Variants in ZCCHC2 observed in about 807,000 individuals in gnomAD.
ZCCHC2 encodes the protein zinc finger CCHC domain-containing protein 2.
A neutral mutation model predicts 103.6 loss-of-function variants in ZCCHC2; 39 were observed. The observed-to-expected ratio is 0.38, with a 90% confidence interval of 0.29 to 0.49. ZCCHC2 has a LOEUF of 0.49. Ranked by LOEUF, ZCCHC2 falls within the 20% of genes least tolerant of loss-of-function variation. The probability of loss-of-function intolerance (pLI) is 0.96; values close to 1 mark genes in which losing one functional copy is unlikely to be tolerated. For missense variants in ZCCHC2, 1,483 were observed against 1,491.0 expected (o/e 0.99, Z 0.09); for synonymous variants, 687 against 608.9 (o/e 1.13, Z -1.89).
At chr18:62,535,438 A>G (rs1914877943) in intron 1 of ZCCHC2, among the ~76,000 whole-genome samples, 1 of 152,244 alleles carries the variant, frequency 6.6e-6, no homozygotes, top group African/African-American at 2.4e-5. Context: ...TTAGTGGTGT[A>G]AAACAATGAC....
At chr18:62,534,509 G>C (rs1468829133) in intron 1 of ZCCHC2, among the ~76,000 whole-genome samples, 4 of 152,170 alleles carry the variant, frequency 2.6e-5, no homozygotes, top group Non-Finnish European at 5.9e-5. Flanking sequence ...TGATCTACTT[G>C]AGGGGTGGTG....
chr18:62,523,376 G>GCGGGCGC lies in ZCCHC2; in HGVS notation c.-48_-47insGGGCGCC. 2.0e-6 allele frequency: 2 copies of GCGGGCGC among 1,012,354 alleles called. No individual in the cohort carries two copies. The highest frequency in any genetic ancestry group is 2.4e-6 in the Non-Finnish European group (2 of 848,990). The allele number at this position is 1,012,354 out of a possible 1,614,324, so 62.7% of individuals were successfully genotyped here. ...GCCTCGGCCCGTGCTCCACCTCGCG[G>GCGGGCGC]CCCCTCCCGCCCGCCCCCGCTCGCA... On this transcript the variant is annotated 5_prime_UTR_variant, in exon 1 of 14. Coordinates refer to ENST00000269499, the MANE Select transcript of ZCCHC2 (RefSeq NM_017742.6).
chr18:62,546,701 C>G (rs757117232), intron 4 of ZCCHC2, among the ~76,000 whole-genome samples: 1 of 152,246 alleles, frequency 6.6e-6, no homozygotes, highest in Non-Finnish European at 1.5e-5. Flanking sequence ...CGCATGGAGT[C>G]TGCCTTCTAC....
rs1458804526 is a variant in ZCCHC2, at chr18:62,564,639, G to A, written c.1751+4G>A. On this transcript the variant is annotated splice_donor_region_variant and intron_variant, in intron 10 of 13. Transcript: ENST00000269499. The stretch of plus-strand genomic sequence containing the variant: ...AAGGAAAGCCACAAACAGAAAAGTA[G>A]GTTCAATTTAAGGAAAGACAGCATA... 3.2e-6 allele frequency: 5 copies of A among 1,539,686 alleles called. No homozygotes were observed. Among genetic ancestry groups the A allele is most frequent in the Non-Finnish European group, 1.8e-6 (2 of 1,139,968 alleles).
downstream of ZCCHC2, among the ~76,000 whole-genome samples, chr18:62,580,530 C>G (rs1484122716): frequency 3.2e-4 from 42 of 131,478 alleles, no homozygotes; most frequent in East Asian, 4.7e-4. Flanking sequence ...TGTGGAAGGC[C>G]AGGTGGACCC....
chr18:62,523,703 C>T lies in ZCCHC2; in HGVS notation c.279C>T (p.Arg93=). 1.4e-6 allele frequency: 2 copies of T among 1,438,704 alleles called. No homozygotes were observed. The highest frequency in any genetic ancestry group is 1.8e-6 in the Non-Finnish European group (2 of 1,101,044). 89.1% of individuals were successfully genotyped at this position (1,438,704 alleles called of 1,614,324 possible). Residue 93 remains arginine, a synonymous_variant, in exon 1 of 14, where the codon CGC becomes CGT. Coordinates refer to ENST00000269499, the MANE Select transcript of ZCCHC2 (RefSeq NM_017742.6). The stretch of plus-strand genomic sequence containing the variant: ...GCGGGGGGCCCTCGGCGGCGCTGCG[C>T]GAGCAGGAGCGGGTATACGAGTGGT... The part of the protein sequence containing the change: ...GGGGGPSAAL[R]EQERVYEWFG...
chr18:62,526,697 G>C (rs969903991), intron 1 of ZCCHC2, among the ~76,000 whole-genome samples: 1 of 152,070 alleles, frequency 6.6e-6, no homozygotes, highest in Non-Finnish European at 1.5e-5. Flanking sequence ...CGCCCCTCGC[G>C]TGGAGGCGCC....
chr18:62,544,196 G>C (rs577816983), intron 3 of ZCCHC2, among the ~76,000 whole-genome samples: 3 of 152,270 alleles, frequency 2.0e-5, no homozygotes, highest in African/African-American at 7.2e-5. Flanking sequence ...TCTGACTCTT[G>C]CAACCTACTT....
chr18:62,539,785 G>T lies in ZCCHC2; in HGVS notation c.1044G>T (p.Gln348His), dbSNP rs910420562. ...DGLTVAPHRA[Q>H]REAVHIEKIM... ...TTACCGTGGCACCTCACAGAGCTCA[G>T]CGAGAAGGTATGCTCTCTTTTTTGT... The change falls in exon 2 of 14, where the codon CAG becomes CAT. Residue 348 changes from glutamine (Q) to histidine (H), a missense_variant. By Grantham distance (24) the Gln-to-His change is conservative (BLOSUM62 0). Coordinates refer to ENST00000269499, the MANE Select transcript of ZCCHC2 (RefSeq NM_017742.6). The T allele has an allele frequency of 6.2e-7, 1 of 1,605,592 alleles. No individual in the cohort carries two copies. The highest frequency in any genetic ancestry group is 8.5e-7 in the Non-Finnish European group (1 of 1,175,730).
exon 15 of ZCCHC2, chr18:62,585,199 A>C (rs192876395): frequency 6.6e-6 from 1 of 152,386 alleles, no homozygotes; most frequent in African/African-American, 2.4e-5. Flanking sequence ...TTCAAGTGGC[A>C]TCAATGCAGA....
intron 1 of ZCCHC2, among the ~76,000 whole-genome samples, chr18:62,536,925 A>G (rs1299933455): frequency 6.6e-6 from 1 of 152,238 alleles, no homozygotes; most frequent in African/African-American, 2.4e-5. Context: ...CTACTTTCAT[A>G]CAGTTGCTTC....
In ZCCHC2 at chr18:62,523,992, C is replaced by G; in HGVS notation, c.568C>G (p.Arg190Gly). 1.3e-6 allele frequency: 2 copies of G among 1,489,476 alleles called. No homozygotes were observed. Among genetic ancestry groups the G allele is most frequent in the Non-Finnish European group, 1.8e-6 (2 of 1,126,004 alleles). 92.3% of individuals were successfully genotyped at this position (1,489,476 alleles called of 1,614,324 possible). The change falls in exon 1 of 14, where the codon CGT (arginine) becomes GGT (glycine). Residue 190 changes from arginine (R) to glycine (G), a missense_variant. By Grantham distance (125) the Arg-to-Gly change is moderately radical. Around this residue, in one of 3 missense-constraint regions of ZCCHC2, gnomAD observed 568 missense variants for 525.1 expected, o/e 1.08. Transcript: ENST00000269499. ...LGSENREAAG[R>G]LHRLLPQVDS... ...CTCGGAGAACCGGGAGGCCGCTGGC[C>G]GTCTGCACCGCCTGCTACCCCAGGT...
Position 62,542,510 on chromosome 18 carries a change from A to G in ZCCHC2, c.1064A>G (p.Glu355Gly). Reference sequence around the variant, plus strand: ...TTTTTTCTTTCAGCTGTACACATTGAGAAGATAATGTTGAAAGGAGTCCAG... The same window carrying G: ...TTTTTTCTTTCAGCTGTACACATTGGGAAGATAATGTTGAAAGGAGTCCAG... ...HRAQREAVHI[E>G]KIMLKGVQRK... Residue 355 changes from glutamate to glycine, a missense_variant, in exon 3 of 14, where the codon GAG becomes GGG. Around this residue, in one of 3 missense-constraint regions of ZCCHC2, gnomAD observed 568 missense variants for 525.1 expected, o/e 1.08. Transcript: ENST00000269499. 1 of 1,562,078 alleles carries G rather than the reference A, an allele frequency of 6.4e-7. No individual in the cohort carries two copies. The highest frequency in any genetic ancestry group is 8.7e-7 in the Non-Finnish European group (1 of 1,151,784).
downstream of ZCCHC2, among the ~76,000 whole-genome samples, chr18:62,579,281 A>T (rs1042783470): frequency 1.2e-4 from 18 of 152,220 alleles, no homozygotes; most frequent in African/African-American, 4.3e-4. Context: ...GTGTGATTTT[A>T]TTAGCCAGGC....
intron 14 of ZCCHC2, among the ~76,000 whole-genome samples, chr18:62,583,796 ATCT>A (rs1476606728): frequency 7.2e-5 from 11 of 152,042 alleles, no homozygotes; most frequent in Admixed American, 3.3e-4. Context: ...ACATCTCTAC[ATCT>A]TCTTCTCTTT....
chr18:62,542,303 G>T (rs1377884796), intron 2 of ZCCHC2, among the ~76,000 whole-genome samples, 195 bp from the exon 3 acceptor site: 1 of 152,050 alleles, frequency 6.6e-6, no homozygotes, highest in Non-Finnish European at 1.5e-5. Flanking sequence ...TTTTTTTCAT[G>T]GGTGGATGGC....
At position 62,564,616 on chromosome 18, in the gene ZCCHC2, G is replaced by A; in HGVS notation, c.1732G>A (p.Gly578Arg). Residue 578 changes from glycine (G) to arginine (R), a missense_variant, in exon 10 of 14, where the codon GGA (glycine) becomes AGA (arginine). Gly to Arg is a moderately radical substitution (Grantham distance 125). This residue lies in a region of ZCCHC2 where 884 missense variants were observed against 907.5 expected (regional missense o/e 0.97). Transcript: ENST00000269499. ...TTTATCTTCAATAAATAAGAAGAAA[G>A]GAAAGCCACAAACAGAAAAGTAGGT... is the stretch of plus-strand genomic sequence containing the variant. Reference protein sequence around the residue: ...RSLSSINKKKGKPQTEKEKIK... With the variant: ...RSLSSINKKKRKPQTEKEKIK... The A allele has an allele frequency of 6.5e-7, 1 of 1,544,702 alleles. No individual in the cohort carries two copies. The highest frequency in any genetic ancestry group is 2.4e-5 in the East Asian group (1 of 40,854).
At chr18:62,571,026 T>A (rs1916579405) in intron 12 of ZCCHC2, among the ~76,000 whole-genome samples, 2 of 152,256 alleles carry the variant, frequency 1.3e-5, no homozygotes, top group Non-Finnish European at 2.9e-5. Flanking sequence ...TTAAAGCTTT[T>A]CAAAGCCTCC....
rs1424135340 is a variant in ZCCHC2 at position 62,523,996 on chromosome 18, T to A, written c.572T>A (p.Leu191Gln). ...GAGAACCGGGAGGCCGCTGGCCGTCTGCACCGCCTGCTACCCCAGGTGGAC... is the reference window on the plus strand; with the variant it reads ...GAGAACCGGGAGGCCGCTGGCCGTCAGCACCGCCTGCTACCCCAGGTGGAC... ...GSENREAAGR[L>Q]HRLLPQVDSV... is the part of the protein sequence containing the mutation. The change falls in exon 1 of 14, where the codon CTG becomes CAG. Residue 191 changes from leucine (L) to glutamine (Q), a missense_variant. Physicochemically the swap from Leu to Gln is moderately radical, Grantham distance 113. Transcript: ENST00000269499. 6.7e-7 allele frequency: 1 copy of A among 1,486,888 alleles called. No individual in the cohort carries two copies. The highest frequency in any genetic ancestry group is 8.9e-7 in the Non-Finnish European group (1 of 1,125,232). The allele number at this position is 1,486,888 out of a possible 1,614,324, so 92.1% of individuals were successfully genotyped here.
Sources: gnomAD v4.1 joint callset for allele counts (sites outside exome capture counted in the v4.1 genomes callset) on GRCh38, gnomAD v4.1.1 for gene constraint, gnomAD v4.1.1 regional missense constraint, MANE v1.5 for transcripts, NCBI Gene and HGNC (gene_info 2026-07-23, HGNC 2026-07-21) for gene names.